The following GALNT17 variants were observed in gnomAD, a reference collection of about 807,000 sequenced individuals.
GALNT17 encodes UDP-GalNAc:polypeptide N-acetylgalactosaminyltransferase-like 3.
GALNT17 carries 29 observed loss-of-function variants against 63.7 expected under a neutral mutation model. The ratio of observed to expected loss-of-function variants is 0.46; its 90% CI spans 0.34 to 0.62. The LOEUF (loss-of-function observed/expected upper bound fraction) is 0.62, where lower values mean the gene tolerates loss of function less well. GALNT17 is among the 20% of genes least tolerant of loss of function. The pLI is 0.01. For synonymous variants in GALNT17, 305 were observed against 318.3 expected (o/e 0.96, Z 0.45); for missense variants, 603 against 799.6 (o/e 0.75, Z 2.97).
intron 6 of GALNT17, among the ~76,000 whole-genome samples, chr7:71,596,133 G>A (rs1204220742): frequency 3.5e-4 from 53 of 152,238 alleles, no homozygotes; most frequent in Admixed American, 3.5e-3. Context: ...CCGCCTCCTG[G>A]GTTCAAGCAA....
At chr7:71,650,179 G>A (rs1421765188) in intron 6 of GALNT17, among the ~76,000 whole-genome samples, 1 of 152,236 alleles carries the variant, frequency 6.6e-6, no homozygotes, top group African/African-American at 2.4e-5. Flanking sequence ...AGTTCAGTTA[G>A]GGAATCTGAG....
chr7:71,687,783 G>C (rs544216081), intron 9 of GALNT17, among the ~76,000 whole-genome samples: 1 of 152,162 alleles, frequency 6.6e-6, no homozygotes, highest in African/African-American at 2.4e-5. Context: ...CTGTCACCCA[G>C]GCTGGAGTGC....
At chr7:71,634,769 GAAAAAA>G in intron 6 of GALNT17, among the ~76,000 whole-genome samples, 1 of 134,954 alleles carries the variant, frequency 7.4e-6, no homozygotes, top group Middle Eastern at 3.7e-3. Flanking sequence ...AAAAAAAAAA[GAAAAAA>G]GAAAAAGAAA....
chr7:71,704,428 G>A (rs1791694472), intron 9 of GALNT17, among the ~76,000 whole-genome samples: 1 of 150,684 alleles, frequency 6.6e-6, no homozygotes, highest in East Asian at 1.9e-4. Flanking sequence ...GTGTTAAGAT[G>A]GCATTTCTTC....
chr7:71,216,227 C>G (rs1789475382), intron 1 of GALNT17, among the ~76,000 whole-genome samples: 1 of 151,694 alleles, frequency 6.6e-6, no homozygotes, highest in South Asian at 2.1e-4. Flanking sequence ...AAACAAACAC[C>G]AAAACATGAA....
At chr7:71,389,746 A>G (rs1174065363) in intron 3 of GALNT17, among the ~76,000 whole-genome samples, 1 of 152,070 alleles carries the variant, frequency 6.6e-6, no homozygotes, top group Non-Finnish European at 1.5e-5. Flanking sequence ...AAAAAATTCC[A>G]TCCCGTGTTA....
chr7:71,696,303 G>A (rs545948022), intron 9 of GALNT17, among the ~76,000 whole-genome samples: 71 of 151,808 alleles, frequency 4.7e-4, no homozygotes, highest in African/African-American at 1.7e-3. Flanking sequence ...TATAGAGACG[G>A]TGTTTCACTA....
chr7:71,678,956 CAAAAAA>C (rs35898355), intron 9 of GALNT17, among the ~76,000 whole-genome samples: 1 of 114,090 alleles, frequency 8.8e-6, no homozygotes, highest in Non-Finnish European at 1.7e-5. Flanking sequence ...GACTCCATCT[CAAAAAA>C]AAAAAAAAAA....
intron 2 of GALNT17, among the ~76,000 whole-genome samples, chr7:71,343,513 G>C (rs1792040822): frequency 6.6e-6 from 1 of 152,120 alleles, no homozygotes; most frequent in Non-Finnish European, 1.5e-5. Context: ...TTTCCATTTT[G>C]TTTTAATTCC....
chr7:71,266,119 G>A (rs1790487900), intron 1 of GALNT17, among the ~76,000 whole-genome samples: 1 of 152,064 alleles, frequency 6.6e-6, no homozygotes, highest in Non-Finnish European at 1.5e-5. Context: ...GTGGCTGCAT[G>A]GACTTTGTTA....
chr7:71,705,241 G>A (rs565209451), intron 9 of GALNT17, among the ~76,000 whole-genome samples: 5 of 151,710 alleles, frequency 3.3e-5, no homozygotes, highest in African/African-American at 4.8e-5. Flanking sequence ...GATATAAAAC[G>A]GTCAATAAGC....
intron 1 of GALNT17, among the ~76,000 whole-genome samples, chr7:71,166,852 C>T (rs998115840): frequency 1.3e-5 from 2 of 151,764 alleles, no homozygotes; most frequent in Non-Finnish European, 2.9e-5. Context: ...ACCTAGATAC[C>T]TAGGAGTGGA....
intron 1 of GALNT17, among the ~76,000 whole-genome samples, chr7:71,243,705 C>T (rs1271155416): frequency 6.6e-6 from 1 of 152,128 alleles, no homozygotes; most frequent in African/African-American, 2.4e-5. Context: ...GCATCCAGCC[C>T]TTTAACTTCC....
intron 1 of GALNT17, among the ~76,000 whole-genome samples, chr7:71,175,130 G>A (rs1477459057): frequency 6.7e-6 from 1 of 148,684 alleles, no homozygotes; most frequent in South Asian, 2.1e-4. Flanking sequence ...CCATCCATCA[G>A]TCTATCTGTC....
At chr7:71,347,614 G>A (rs1028683959) in intron 2 of GALNT17, among the ~76,000 whole-genome samples, 1 of 138,928 alleles carries the variant, frequency 7.2e-6, no homozygotes, top group African/African-American at 2.6e-5. Flanking sequence ...AGGACAATGG[G>A]CATTTCCTTG....
intron 6 of GALNT17, among the ~76,000 whole-genome samples, chr7:71,613,438 G>T (rs1790153492): frequency 6.6e-6 from 1 of 152,186 alleles, no homozygotes; most frequent in Non-Finnish European, 1.5e-5. Context: ...TCAAAGGCGA[G>T]AATGTCAAAA....
chr7:71,709,857 C>T (rs1046070782), intron 9 of GALNT17, among the ~76,000 whole-genome samples: 1 of 152,192 alleles, frequency 6.6e-6, no homozygotes, highest in South Asian at 2.1e-4. Flanking sequence ...CCTCAGCCTC[C>T]CAAAGTGCTG....
intron 5 of GALNT17, among the ~76,000 whole-genome samples, chr7:71,458,471 T>A (rs2116572668): frequency 6.6e-6 from 1 of 152,312 alleles, no homozygotes; most frequent in East Asian, 1.9e-4. Flanking sequence ...GTTGCATTTA[T>A]ACGTTTGTAC....
intron 6 of GALNT17, among the ~76,000 whole-genome samples, chr7:71,634,847 T>G (rs965194726): frequency 6.6e-6 from 1 of 152,150 alleles, no homozygotes; most frequent in African/African-American, 2.4e-5. Flanking sequence ...GGTTTCCAGC[T>G]TATAGGTCGA....
Sources: gnomAD v4.1 joint callset for allele counts (sites outside exome capture counted in the v4.1 genomes callset) on GRCh38, gnomAD v4.1.1 for gene constraint, MANE v1.5 for transcripts, NCBI Gene and HGNC (gene_info 2026-07-23, HGNC 2026-07-21) for gene names.